The following FHIT variants were observed in gnomAD, a reference collection of about 807,000 sequenced individuals.
FHIT encodes the protein bis(5'-adenosyl)-triphosphatase.
FHIT carries 19 observed loss-of-function variants against 17.9 expected under a neutral mutation model. The ratio of observed to expected loss-of-function variants is 1.06; its 90% confidence interval spans 0.74 to 1.56. FHIT has a LOEUF of 1.56. Among genes scored for constraint, FHIT ranks in the 40% most tolerant of loss-of-function variants. FHIT has a pLI of 0.00. For synonymous variants in FHIT, 81 were observed against 69.7 expected (o/e 1.16, Z -0.81); for missense variants, 248 against 189.2 (o/e 1.31, Z -1.82).
chr3:60,252,858 C>T lies in FHIT; in HGVS notation c.104-238706G>A, dbSNP rs890822428. 6.6e-5 allele frequency among the ~76,000 whole-genome samples: 10 copies of T among 151,678 alleles called. No homozygotes were observed. In the South Asian group the frequency reaches 1.0e-3, roughly 16 times the overall value. ...AAAATACAAAAAAAAATTAGCCGGG[C>T]GTGGTGGCGGGTGCCTGTAGTTCCA... is the stretch of plus-strand genomic sequence containing the variant. On this transcript the variant is annotated intron_variant, in intron 5 of 9. Coordinates refer to ENST00000492590, the MANE Select transcript of FHIT (RefSeq NM_002012.4).
intron 5 of FHIT, among the ~76,000 whole-genome samples, chr3:60,408,827 C>A (rs1701965673): frequency 6.6e-6 from 1 of 152,122 alleles, no homozygotes; most frequent in Non-Finnish European, 1.5e-5. Flanking sequence ...TTACCATAAT[C>A]AGGGAATAGA....
chr3:60,683,573 T>G, intron 4 of FHIT, among the ~76,000 whole-genome samples: 1 of 152,180 alleles, frequency 6.6e-6, no homozygotes, highest in East Asian at 1.9e-4. Flanking sequence ...CTATAGACTG[T>G]AAACACAACT....
At chr3:59,802,799 T>G (rs565226) in intron 8 of FHIT, among the ~76,000 whole-genome samples, 131,409 of 152,222 alleles carry the variant, frequency 0.86, 56,966 homozygotes, top group Middle Eastern at 0.98. Context: ...AACTAGTCAC[T>G]TCACTACTGC....
chr3:60,854,555 A>ATTTTTTTTTTTTT (rs35428632), intron 3 of FHIT, among the ~76,000 whole-genome samples: 1 of 138,506 alleles, frequency 7.2e-6, no homozygotes, highest in African/African-American at 2.7e-5. Flanking sequence ...GCCTACTTCT[A>ATTTTTTTTTTTTT]TTTTTTTTTT....
chr3:59,783,523 T>C (rs1174383303), intron 8 of FHIT, among the ~76,000 whole-genome samples: 7 of 152,144 alleles, frequency 4.6e-5, no homozygotes, highest in Non-Finnish European at 1.0e-4. Context: ...TAGAAGCACT[T>C]GCCCTACCAC....
chr3:60,811,231 T>C (rs1202787142), intron 4 of FHIT, among the ~76,000 whole-genome samples: 1 of 152,190 alleles, frequency 6.6e-6, no homozygotes, highest in African/African-American at 2.4e-5. Context: ...TGAGCCTTTA[T>C]TGGAGTTCTA....
intron 3 of FHIT, among the ~76,000 whole-genome samples, chr3:60,917,339 C>T (rs1707057147): frequency 6.6e-6 from 1 of 152,254 alleles, no homozygotes; most frequent in South Asian, 2.1e-4. Context: ...TGGCACACAG[C>T]CAGAGCCTTC....
rs918360970 is a variant in FHIT, at chr3:61,123,511, GAGA to G, written c.-164+77103_-164+77105del. Among the ~76,000 whole-genome samples the G allele has an allele frequency of 2.7e-4, 41 of 151,576 alleles. 1 individual carries two copies. Among genetic ancestry groups the G allele is most frequent in the African/African-American group, 8.7e-4 (36 of 41,212 alleles). On this transcript the variant is annotated intron_variant, in intron 2 of 9. Transcript: ENST00000492590. ...AGCTTAAAGTATAATAAAAAAAAAG[GAGA>G]AGAACAAAAAAAGGTGGCATTTTTT...
chr3:60,157,319 A>C (rs2107351574), intron 5 of FHIT, among the ~76,000 whole-genome samples: 1 of 152,242 alleles, frequency 6.6e-6, no homozygotes, highest in South Asian at 2.1e-4. Flanking sequence ...GCTTTTTTTA[A>C]ATCTACCGCA....
chr3:60,859,916 T>C (rs1340480018), intron 3 of FHIT, among the ~76,000 whole-genome samples: 2 of 150,038 alleles, frequency 1.3e-5, no homozygotes, highest in East Asian at 2.0e-4. Context: ...TGGTGGCACG[T>C]GCCTGTAATC....
Position 60,551,005 on chromosome 3 carries a change from C to T in FHIT, c.-17-14026G>A, listed in dbSNP as rs370337298. Among the ~76,000 whole-genome samples the T allele has an allele frequency of 8.5e-5, 13 of 152,222 alleles. No homozygotes were observed. The South Asian group carries it at 1.0e-3, about 12-fold the overall frequency. ...AGTGTCAAAGGAAAGGGGAATCTCA[C>T]GTTTGATCTGCGAGTTGAATGATAA... On this transcript the variant is annotated intron_variant, in intron 4 of 9. Coordinates refer to ENST00000492590, the MANE Select transcript of FHIT (RefSeq NM_002012.4).
At chr3:60,690,307 A>G in intron 4 of FHIT, 1 of 561,846 alleles carries the variant, frequency 1.8e-6, no homozygotes, top group Non-Finnish European at 3.5e-6. Context: ...GGCCTCCACA[A>G]TATCCATGCC....
intron 5 of FHIT, among the ~76,000 whole-genome samples, chr3:60,316,469 G>A (rs1330327134): frequency 6.6e-6 from 1 of 152,128 alleles, no homozygotes; most frequent in African/African-American, 2.4e-5. Flanking sequence ...GGACAAGTGA[G>A]TAAGCAAAAA....
chr3:60,991,084 TCCTAATGGGGA>T (rs1351229895), intron 3 of FHIT, among the ~76,000 whole-genome samples: 1 of 152,142 alleles, frequency 6.6e-6, no homozygotes. Flanking sequence ...GACAGGTCCT[TCCTAATGGGGA>T]CGGGGGTGGA....
chr3:60,217,139 A>C (rs1331256594), intron 5 of FHIT, among the ~76,000 whole-genome samples: 1 of 152,220 alleles, frequency 6.6e-6, no homozygotes, highest in Non-Finnish European at 1.5e-5. Flanking sequence ...ACAGAATGTT[A>C]AAATGCGATG....
intron 5 of FHIT, among the ~76,000 whole-genome samples, chr3:60,319,726 T>C (rs1438095956): frequency 1.3e-5 from 2 of 152,154 alleles, no homozygotes; most frequent in Non-Finnish European, 2.9e-5. Context: ...CCGTGGAAGC[T>C]TCCAGAGACA....
At position 59,752,289 on chromosome 3, in the gene FHIT, G is replaced by A. The variant is rs267599922; in HGVS notation, c.381C>T (p.Ala127=). 1.9e-6 allele frequency: 3 copies of A among 1,613,042 alleles called. No homozygotes were observed. Among genetic ancestry groups the A allele is most frequent in the East Asian group, 2.2e-5 (1 of 44,790 alleles). Residue 127 remains alanine, a synonymous_variant, in exon 9 of 10, where the codon GCC becomes GCT. Coordinates refer to ENST00000492590, the MANE Select transcript of FHIT (RefSeq NM_002012.4). ...LQKHDKEDFP[A]SWRSEEEMAA... Reference sequence around the variant, plus strand: ...CCATTTCCTCCTCTGATCTCCAAGAGGCAGGAAAGTCCTCCTTGTCATGTT... The same window carrying A: ...CCATTTCCTCCTCTGATCTCCAAGAAGCAGGAAAGTCCTCCTTGTCATGTT...
intron 5 of FHIT, among the ~76,000 whole-genome samples, chr3:60,448,251 A>T (rs2031480881): frequency 6.6e-6 from 1 of 152,224 alleles, no homozygotes; most frequent in Non-Finnish European, 1.5e-5. Context: ...ATGGAGATGT[A>T]GAATGGTATC....
chr3:61,093,531 G>A (rs949027106), intron 2 of FHIT, among the ~76,000 whole-genome samples: 1 of 152,172 alleles, frequency 6.6e-6, no homozygotes, highest in African/African-American at 2.4e-5. Context: ...GATTGAGAAA[G>A]AGAAAGCAAT....
Sources: gnomAD v4.1 joint callset for allele counts (sites outside exome capture counted in the v4.1 genomes callset) on GRCh38, gnomAD v4.1.1 for gene constraint, MANE v1.5 for transcripts, NCBI Gene and HGNC (gene_info 2026-07-23, HGNC 2026-07-21) for gene names.